The following STK32A variants were observed in gnomAD, a reference collection of about 807,000 sequenced individuals.
STK32A encodes the protein serine/threonine-protein kinase 32A.
In STK32A, 41 loss-of-function variants were observed where a neutral mutation model predicts 53.2. The observed-to-expected ratio is 0.77, with a 90% CI of 0.60 to 1.00. The LOEUF is 1.00. Ranked by LOEUF, STK32A falls within the 50% of genes least tolerant of loss-of-function variation. STK32A has a pLI of 0.00. For synonymous variants in STK32A, 166 were observed against 162.8 expected (o/e 1.02, Z -0.15); for missense variants, 458 against 485.8 (o/e 0.94, Z 0.54).
Position 147,383,626 on chromosome 5 carries a change from G to C in STK32A, c.1097+121G>C, listed in dbSNP as rs1323663260. The C allele has an allele frequency of 6.5e-6, 6 of 920,880 alleles. No homozygotes were observed. The East Asian group carries it at 1.6e-4, about 25-fold the overall frequency. The allele number at this position is 920,880 out of a possible 1,614,324, so 57.0% of individuals were successfully genotyped here. ...ATTATTTTCTAATTGGGAAAATGAT[G>C]CAATCTATTATAGAAAATGTAGAAA... On this transcript the variant is annotated intron_variant, in intron 12 of 12. Coordinates refer to ENST00000397936, the MANE Select transcript of STK32A (RefSeq NM_001112724.2).
the STK32A span, among the ~76,000 whole-genome samples, chr5:147,401,294 G>C: frequency 6.6e-6 from 1 of 152,160 alleles, no homozygotes; most frequent in African/African-American, 2.4e-5. Context: ...TCTTACCATA[G>C]AGCTTGGTAC....
At chr5:147,307,513 T>G (rs977167189) in intron 4 of STK32A, among the ~76,000 whole-genome samples, 1 of 151,794 alleles carries the variant, frequency 6.6e-6, no homozygotes, top group Admixed American at 6.6e-5. Flanking sequence ...TCCCAGCTAC[T>G]TGGGAAGCTG....
At chr5:147,244,445 A>G (rs772988362) in intron 2 of STK32A, among the ~76,000 whole-genome samples, 5 of 152,146 alleles carry the variant, frequency 3.3e-5, no homozygotes, top group Admixed American at 2.0e-4. Context: ...TCTCTGAGGA[A>G]CCATCATACT....
the STK32A span, among the ~76,000 whole-genome samples, chr5:147,396,847 G>A: frequency 1.5e-5 from 2 of 136,050 alleles, no homozygotes; most frequent in Non-Finnish European, 3.1e-5. Context: ...ATATATATAC[G>A]TATATCTGTA....
In STK32A at chr5:147,278,197, T is replaced by A; in HGVS notation, c.108+18T>A. On this transcript the variant is annotated intron_variant, in intron 3 of 12. Transcript: ENST00000397936. ...TTGGGAAGGTGAGAACAAATTGAAA[T>A]GATTAACCACCAGCAGGGTTATGTA... 2 of 1,584,596 alleles carry A rather than the reference T, an allele frequency of 1.3e-6. No homozygotes were observed. The highest frequency in any genetic ancestry group is 1.7e-6 in the Non-Finnish European group (2 of 1,163,362).
chr5:147,284,416 A>C (rs2151957611), intron 4 of STK32A, among the ~76,000 whole-genome samples: 1 of 152,284 alleles, frequency 6.6e-6, no homozygotes, highest in Admixed American at 6.5e-5. Flanking sequence ...CAGAGCAATA[A>C]GACAAGAGAA....
chr5:147,342,805 G>T (rs1185405848), intron 5 of STK32A: 2 of 558,958 alleles, frequency 3.6e-6, no homozygotes. Context: ...GTGACCTTGG[G>T]TTAAGCTTCA....
At chr5:147,276,040 T>C (rs1001508132) in intron 2 of STK32A, among the ~76,000 whole-genome samples, 2 of 152,212 alleles carry the variant, frequency 1.3e-5, no homozygotes, top group African/African-American at 2.4e-5. Flanking sequence ...CTGTGAGTTA[T>C]TGGATTTGCT....
chr5:147,348,708 C>T (rs765058734), intron 6 of STK32A: 1 of 774,140 alleles, frequency 1.3e-6, no homozygotes, highest in South Asian at 1.4e-5. Flanking sequence ...CCTGGCTCTC[C>T]TACAAGTCCC....
At chr5:147,296,343 A>G (rs2151963821) in intron 4 of STK32A, among the ~76,000 whole-genome samples, 1 of 151,758 alleles carries the variant, frequency 6.6e-6, no homozygotes, top group South Asian at 2.1e-4. Context: ...ATTCAAGCAC[A>G]CGGTTTGACC....
chr5:147,345,436 A>C (rs1387870609), intron 6 of STK32A, among the ~76,000 whole-genome samples: 1 of 152,186 alleles, frequency 6.6e-6, no homozygotes, highest in Non-Finnish European at 1.5e-5. Flanking sequence ...GGACTGCTTC[A>C]TCTTGTTTTA....
At chr5:147,316,859 GAAAA>G (rs35058586) in intron 4 of STK32A, among the ~76,000 whole-genome samples, 3 of 61,336 alleles carry the variant, frequency 4.9e-5, no homozygotes, top group African/African-American at 1.3e-4. Flanking sequence ...TGTTTCTGGC[GAAAA>G]AAAAAAAAAA....
rs143762674 is a variant in STK32A at position 147,271,340 on chromosome 5, C to T, written c.53-6784C>T. Among the ~76,000 whole-genome samples the T allele has an allele frequency of 5.4e-3, 827 of 152,192 alleles. 10 individuals carry two copies. The highest frequency in any genetic ancestry group is 0.019 in the African/African-American group (777 of 41,508). ...CCTGTCTTTACTTTAATCTCTTAAT[C>T]CTGTCATCTCGTAAGCTGAGGAGGA... On this transcript the variant is annotated intron_variant, in intron 2 of 12. Transcript: ENST00000397936.
intron 2 of STK32A, among the ~76,000 whole-genome samples, chr5:147,274,432 T>G (rs1039766688): frequency 2.0e-5 from 3 of 152,146 alleles, no homozygotes; most frequent in African/African-American, 7.2e-5. Flanking sequence ...AGAATGAAAG[T>G]TTTGGAACAT....
intron 7 of STK32A, among the ~76,000 whole-genome samples, chr5:147,351,521 T>G (rs958325436): frequency 7.9e-5 from 12 of 151,908 alleles, no homozygotes; most frequent in African/African-American, 2.7e-4. Flanking sequence ...TCCTGGAGCT[T>G]ACATTCTAGT....
At chr5:147,257,072 G>T (rs1243429082) in intron 2 of STK32A, among the ~76,000 whole-genome samples, 3 of 152,198 alleles carry the variant, frequency 2.0e-5, no homozygotes, top group African/African-American at 7.2e-5. Flanking sequence ...AACCTGTAGA[G>T]AATTATAGAT....
rs72831371 is a variant in STK32A at position 147,322,034 on chromosome 5, C to T, written c.261-1864C>T. Among the ~76,000 whole-genome samples, 1,117 of 152,236 alleles carry T rather than the reference C, an allele frequency of 7.3e-3. 22 individuals are homozygous for T. The highest frequency in any genetic ancestry group is 7.3e-3 in the East Asian group (38 of 5,182). Reference sequence around the variant, plus strand: ...CAGGTCCCAGATATGATTACAGTTTCACCAGTTCAATATTGTTTACTGAAT... The same window carrying T: ...CAGGTCCCAGATATGATTACAGTTTTACCAGTTCAATATTGTTTACTGAAT... On this transcript the variant is annotated intron_variant, in intron 4 of 12. Coordinates refer to ENST00000397936, the MANE Select transcript of STK32A (RefSeq NM_001112724.2).
At chr5:147,328,737 T>C (rs1754720646) in intron 5 of STK32A, among the ~76,000 whole-genome samples, 1 of 152,176 alleles carries the variant, frequency 6.6e-6, no homozygotes, top group African/African-American at 2.4e-5. Flanking sequence ...TTCTACAGGG[T>C]TAGTACTATT....
At chr5:147,311,634 A>G (rs1753702783) in intron 4 of STK32A, among the ~76,000 whole-genome samples, 1 of 152,176 alleles carries the variant, frequency 6.6e-6, no homozygotes, top group African/African-American at 2.4e-5. Flanking sequence ...TGGTAAAATC[A>G]TAGCTCACTT....
Sources: allele counts gnomAD v4.1 joint callset (sites outside exome capture counted in the v4.1 genomes callset), GRCh38; gene constraint gnomAD v4.1.1; transcripts MANE v1.5; gene names NCBI Gene and HGNC (gene_info 2026-07-23, HGNC 2026-07-21).